ZMAT4: variants seen among roughly 807,000 people sequenced by gnomAD.
The protein encoded by ZMAT4 is zinc finger matrin-type protein 4.
ZMAT4 carries 17 observed loss-of-function variants against 28.7 expected under a neutral mutation model. That is an observed-to-expected ratio of 0.59 (90% CI 0.41 to 0.89). The LOEUF is 0.89. Among genes scored for constraint, ZMAT4 ranks in the 40% least tolerant of loss-of-function variants. The pLI is 0.00. For synonymous variants in ZMAT4, 117 were observed against 109.2 expected (o/e 1.07, Z -0.44); for missense variants, 240 against 283.8 (o/e 0.85, Z 1.11).
At chr8:40,673,680 T>C (rs1219171544) in intron 5 of ZMAT4, among the ~76,000 whole-genome samples, 2 of 152,182 alleles carry the variant, frequency 1.3e-5, no homozygotes, top group Non-Finnish European at 2.9e-5. Context: ...CAAAAGTATG[T>C]AGGTGATCAA....
intron 5 of ZMAT4, among the ~76,000 whole-genome samples, chr8:40,643,497 G>A (rs7837309): frequency 0.059 from 8,925 of 152,114 alleles, 685 homozygotes; most frequent in East Asian, 0.43. Context: ...CTTCTTTAGC[G>A]CATATCAAGT....
At chr8:40,577,222 C>T (rs952632849) in intron 6 of ZMAT4, among the ~76,000 whole-genome samples, 1 of 151,978 alleles carries the variant, frequency 6.6e-6, no homozygotes, top group African/African-American at 2.4e-5. Flanking sequence ...GATGTCTGTG[C>T]TCCCATTTCT....
intron 2 of ZMAT4, among the ~76,000 whole-genome samples, chr8:40,784,447 G>T (rs4737176): frequency 0.72 from 110,006 of 151,944 alleles, 40,013 homozygotes; most frequent in Middle Eastern, 0.8. Context: ...ATGAAAAATC[G>T]ATAACAACCA....
intron 1 of ZMAT4, among the ~76,000 whole-genome samples, chr8:40,886,890 G>A (rs1368087711): frequency 6.6e-6 from 1 of 152,204 alleles, no homozygotes; most frequent in Non-Finnish European, 1.5e-5. Flanking sequence ...CCAGTTTTGA[G>A]GTAGGGCGCA....
intron 1 of ZMAT4, among the ~76,000 whole-genome samples, chr8:40,885,609 C>G (rs778921568): frequency 6.6e-6 from 1 of 152,206 alleles, no homozygotes; most frequent in Non-Finnish European, 1.5e-5. Context: ...ACTGCAGCCT[C>G]GAACTCCTGG....
At chr8:40,801,722 CTTCT>C (rs1313201452) in intron 2 of ZMAT4, among the ~76,000 whole-genome samples, 1 of 151,986 alleles carries the variant, frequency 6.6e-6, no homozygotes, top group Non-Finnish European at 1.5e-5. Context: ...TTTTTAACTC[CTTCT>C]ATGAGGCCAG....
chr8:40,555,351 T>C (rs577957591), intron 6 of ZMAT4, among the ~76,000 whole-genome samples: 1 of 152,298 alleles, frequency 6.6e-6, no homozygotes, highest in South Asian at 2.1e-4. Flanking sequence ...GATTTCTAGA[T>C]CATATGGTAG....
At chr8:40,838,574 T>C (rs1353282183) in intron 1 of ZMAT4, among the ~76,000 whole-genome samples, 3 of 152,184 alleles carry the variant, frequency 2.0e-5, no homozygotes, top group Non-Finnish European at 4.4e-5. Flanking sequence ...ACCCTTCTAA[T>C]GCACTCCTCA....
chr8:40,664,045 G>A (rs924541862), intron 5 of ZMAT4, among the ~76,000 whole-genome samples: 2 of 152,172 alleles, frequency 1.3e-5, no homozygotes, highest in Non-Finnish European at 2.9e-5. Context: ...AATGTGGAGT[G>A]TAGTTTTTCC....
chr8:40,650,962 C>T (rs1278169534), intron 5 of ZMAT4, among the ~76,000 whole-genome samples: 2 of 150,428 alleles, frequency 1.3e-5, no homozygotes, highest in African/African-American at 2.4e-5. Flanking sequence ...AAACCCACAG[C>T]CAATATCATA....
chr8:40,591,893 T>C (rs979068301), intron 5 of ZMAT4, among the ~76,000 whole-genome samples: 4 of 152,102 alleles, frequency 2.6e-5, no homozygotes, highest in African/African-American at 9.7e-5. Flanking sequence ...AAGTCAGAAC[T>C]AGTAAGCAGA....
At chr8:40,769,225 T>C (rs929288358) in intron 2 of ZMAT4, among the ~76,000 whole-genome samples, 3 of 152,208 alleles carry the variant, frequency 2.0e-5, no homozygotes, top group Non-Finnish European at 2.9e-5. Flanking sequence ...CTAGGTTACA[T>C]AGTAGGTTTT....
chr8:40,855,855 A>AT (rs1268463446), intron 1 of ZMAT4, among the ~76,000 whole-genome samples: 1 of 150,890 alleles, frequency 6.6e-6, no homozygotes, highest in Non-Finnish European at 1.5e-5. Flanking sequence ...TTTATTTTTT[A>AT]TTTTTTTATT....
intron 3 of ZMAT4, among the ~76,000 whole-genome samples, chr8:40,728,071 T>C (rs1439296559): frequency 2.0e-5 from 3 of 152,176 alleles, no homozygotes; most frequent in Admixed American, 2.0e-4. Context: ...AATCATATGT[T>C]CCTGGAGAGT....
chr8:40,579,882 C>T (rs185275488), intron 6 of ZMAT4, among the ~76,000 whole-genome samples: 1 of 152,214 alleles, frequency 6.6e-6, no homozygotes, highest in Admixed American at 6.5e-5. Flanking sequence ...CTAAAGCTTG[C>T]CCTGGATTGC....
rs193156034 is a variant in ZMAT4, at chr8:40,558,281, G to A, written c.674+22884C>T. ...GCTGTCAGTGGATTGCCAGCGGAGG[G>A]GACTATGATCTGGATGATATTTTCC... is the stretch of plus-strand genomic sequence containing the variant. On this transcript the variant is annotated intron_variant, in intron 6 of 6. Transcript: ENST00000297737. Among the ~76,000 whole-genome samples, 376 of 152,148 alleles carry A rather than the reference G, an allele frequency of 2.5e-3. 2 individuals are homozygous for A. The highest frequency in any genetic ancestry group is 4.5e-3 in the Admixed American group (68 of 15,280).
chr8:40,891,121 C>T (rs1818655342), intron 1 of ZMAT4, among the ~76,000 whole-genome samples: 1 of 147,108 alleles, frequency 6.8e-6, no homozygotes, highest in Non-Finnish European at 1.5e-5. Context: ...TTGCTTGAGG[C>T]CAGGAGTTCG....
intron 1 of ZMAT4, among the ~76,000 whole-genome samples, chr8:40,861,438 G>T (rs937823056): frequency 1.2e-4 from 19 of 152,186 alleles, no homozygotes; most frequent in African/African-American, 4.1e-4. Context: ...ATGGATTAAA[G>T]ACTTAAATGT....
chr8:40,697,891 G>A (rs1289002577), intron 3 of ZMAT4, among the ~76,000 whole-genome samples: 1 of 152,152 alleles, frequency 6.6e-6, no homozygotes, highest in African/African-American at 2.4e-5. Flanking sequence ...ACAATTAAGA[G>A]AGGGCACATT....
Sources: allele counts gnomAD v4.1 joint callset (sites outside exome capture counted in the v4.1 genomes callset), GRCh38; gene constraint gnomAD v4.1.1; transcripts MANE v1.5; gene names NCBI Gene and HGNC (gene_info 2026-07-23, HGNC 2026-07-21).